NCAM1: variants seen among roughly 807,000 people sequenced by gnomAD.
The protein encoded by NCAM1 is neural cell adhesion molecule 1, also known as antigen recognized by monoclonal antibody 5.1H11.
In NCAM1, 14 loss-of-function variants were observed where a neutral mutation model predicts 109.8. The ratio of observed to expected loss-of-function variants is 0.13; its 90% CI spans 0.08 to 0.20. The LOEUF (loss-of-function observed/expected upper bound fraction) is 0.20, where lower values mean the gene tolerates loss of function less well. Among genes scored for constraint, NCAM1 ranks in the 10% least tolerant of loss-of-function variants. The pLI is 1.00. For synonymous variants in NCAM1, 418 were observed against 442.9 expected (o/e 0.94, Z 0.70); for missense variants, 774 against 1,109.9 (o/e 0.70, Z 4.30).
At chr11:113,240,890 T>C in intron 14 of NCAM1, 11 of 1,528,302 alleles carry the variant, frequency 7.2e-6, no homozygotes, top group Non-Finnish European at 1.0e-5. Flanking sequence ...CAGCCACAGT[T>C]TGTTTTGCCT....
intron 7 of NCAM1, among the ~76,000 whole-genome samples, chr11:113,209,938 G>A (rs1944340138): frequency 1.3e-5 from 2 of 152,182 alleles, no homozygotes; most frequent in Admixed American, 1.3e-4. Context: ...ATTTTAGGCA[G>A]CCTGGGCACA....
At chr11:113,012,225 G>A (rs1565381462) in intron 1 of NCAM1, among the ~76,000 whole-genome samples, 1 of 152,092 alleles carries the variant, frequency 6.6e-6, no homozygotes, top group South Asian at 2.1e-4. Context: ...TGCCATATTG[G>A]CCAGGCTGGT....
At chr11:112,999,317 A>G (rs1434359410) in intron 1 of NCAM1, among the ~76,000 whole-genome samples, 2 of 152,208 alleles carry the variant, frequency 1.3e-5, no homozygotes, top group Non-Finnish European at 2.9e-5. Flanking sequence ...TCAATGGCTC[A>G]TCTTGGTAAT....
At chr11:113,086,672 G>A (rs1342140303) in intron 1 of NCAM1, among the ~76,000 whole-genome samples, 5 of 152,050 alleles carry the variant, frequency 3.3e-5, no homozygotes, top group East Asian at 1.9e-4. Context: ...ATTTTGGTTT[G>A]CCATGTTACT....
At chr11:113,024,193 G>T (rs958167829) in intron 1 of NCAM1, among the ~76,000 whole-genome samples, 1 of 152,168 alleles carries the variant, frequency 6.6e-6, no homozygotes, top group Non-Finnish European at 1.5e-5. Flanking sequence ...CAGAAGTGTG[G>T]CTGGGCCAAG....
intron 1 of NCAM1, among the ~76,000 whole-genome samples, chr11:113,183,825 A>G (rs575505700): frequency 6.6e-6 from 1 of 152,218 alleles, no homozygotes; most frequent in Admixed American, 6.5e-5. Flanking sequence ...TCCTCAGGAG[A>G]GTGAGCTGGG....
intron 14 of NCAM1, among the ~76,000 whole-genome samples, chr11:113,239,749 A>G (rs1945273168): frequency 6.6e-6 from 1 of 152,212 alleles, no homozygotes; most frequent in Non-Finnish European, 1.5e-5. Flanking sequence ...GGAGACCTGA[A>G]TTAACCAGAC....
At chr11:112,990,740 C>T (rs1164214517) in intron 1 of NCAM1, among the ~76,000 whole-genome samples, 1 of 152,154 alleles carries the variant, frequency 6.6e-6, no homozygotes, top group Non-Finnish European at 1.5e-5. Flanking sequence ...TCAAACAGAG[C>T]TGTAGCTGAG....
intron 1 of NCAM1, among the ~76,000 whole-genome samples, chr11:113,196,497 C>A (rs1943859469): frequency 1.3e-5 from 2 of 152,170 alleles, no homozygotes; most frequent in Admixed American, 1.3e-4. Context: ...GAAATAATTT[C>A]TTTGGGAAGC....
At chr11:113,050,373 A>C (rs1171738774) in intron 1 of NCAM1, among the ~76,000 whole-genome samples, 2 of 152,148 alleles carry the variant, frequency 1.3e-5, no homozygotes, top group East Asian at 3.9e-4. Context: ...TTTAACTTCT[A>C]GTTTTTTGTC....
intron 1 of NCAM1, among the ~76,000 whole-genome samples, chr11:113,064,286 G>T (rs140258647): frequency 1.3e-5 from 2 of 152,224 alleles, no homozygotes; most frequent in African/African-American, 4.8e-5. Flanking sequence ...CTGTGTGTTA[G>T]GAAAACCAGT....
chr11:113,197,249 C>A, intron 1 of NCAM1: 1 of 216,858 alleles, frequency 4.6e-6, no homozygotes, highest in Non-Finnish European at 1.0e-5. Context: ...TCTCACCATC[C>A]CAGGCAAGTG....
chr11:113,106,159 C>T (rs78480215), intron 1 of NCAM1, among the ~76,000 whole-genome samples: 10,928 of 152,158 alleles, frequency 0.072, 760 homozygotes, highest in Admixed American at 0.17. Context: ...TATTATTCAG[C>T]ATATTGTGAT....
chr11:113,207,929 C>T lies in NCAM1; in HGVS notation c.843C>T (p.Asp281=), dbSNP rs139279798. The change falls in exon 7 of 20, where the codon GAC becomes GAT. Residue 281 remains aspartate, a synonymous_variant. Coordinates refer to ENST00000316851, the MANE Select transcript of NCAM1 (RefSeq NM_181351.5). ...CCATCAAAAAGGTGGATAAGAACGA[C>T]GAGGCTGAGTACATCTGCATTGCTG... ...QLTIKKVDKN[D]EAEYICIAEN... 1.6e-5 allele frequency: 25 copies of T among 1,612,538 alleles called. No homozygotes were observed. In the Middle Eastern group the frequency reaches 8.2e-4, roughly 53 times the overall value.
chr11:113,009,561 C>G (rs1301882937), intron 1 of NCAM1, among the ~76,000 whole-genome samples: 4 of 151,824 alleles, frequency 2.6e-5, no homozygotes, highest in Non-Finnish European at 5.9e-5. Context: ...TTTAAACAGT[C>G]TCTGTATGTG....
intron 12 of NCAM1, 144 bp downstream of exon 12, chr11:113,232,958 G>A: frequency 1.0e-6 from 1 of 965,916 alleles, no homozygotes; most frequent in East Asian, 2.6e-5. Context: ...GGGAAGCTGG[G>A]AGCCATTGGA....
chr11:112,962,427 G>A lies in NCAM1; in HGVS notation c.52+763G>A, dbSNP rs993288919. Among the ~76,000 whole-genome samples the A allele has an allele frequency of 2.0e-5, 3 of 151,920 alleles. No homozygotes were observed. Among genetic ancestry groups the A allele is most frequent in the Admixed American group, 6.5e-5 (1 of 15,278 alleles). On this transcript the variant is annotated intron_variant, in intron 1 of 19. Transcript: ENST00000316851. The surrounding 1 kb of genome is among the most constrained non-coding windows in gnomAD (Gnocchi z 5.6). The stretch of plus-strand genomic sequence containing the variant: ...CGGAGGGCGAGGAGGGCGTGATTGG[G>A]GCTGCCTGGTGTGTGCGCGCGCGTG...
intron 1 of NCAM1, chr11:113,132,862 C>T (rs1941452422): frequency 1.3e-5 from 2 of 152,282 alleles, no homozygotes; most frequent in Non-Finnish European, 2.9e-5. Context: ...TCACCACCTT[C>T]CCACACCAGA....
intron 1 of NCAM1, among the ~76,000 whole-genome samples, chr11:113,168,264 T>C (rs969889072): frequency 6.6e-6 from 1 of 152,226 alleles, no homozygotes; most frequent in Admixed American, 6.5e-5. Flanking sequence ...GTCCTATTTG[T>C]ATTTGGTGTC....
Sources: allele counts gnomAD v4.1 joint callset (sites outside exome capture counted in the v4.1 genomes callset), GRCh38; gene constraint gnomAD v4.1.1; non-coding constraint Gnocchi (gnomAD v3.1); transcripts MANE v1.5; gene names NCBI Gene and HGNC (gene_info 2026-07-23, HGNC 2026-07-21).